HAUS8: variants seen among roughly 807,000 people sequenced by gnomAD.
HAUS8 encodes HAUS augmin like complex subunit 8, also known as HAUS augmin-like complex subunit 8.
In HAUS8, 38 loss-of-function variants were observed where a neutral mutation model predicts 42.9. The ratio of observed to expected loss-of-function variants is 0.89; its 90% CI spans 0.68 to 1.16. The LOEUF is 1.16. Ranked by LOEUF, HAUS8 falls within the 50% of genes most tolerant of loss-of-function variation. The pLI, the probability that HAUS8 is intolerant of heterozygous loss-of-function variation, is 0.00. For synonymous variants in HAUS8, 199 were observed against 205.8 expected, an observed-to-expected ratio of 0.97 and a Z score of 0.28; for missense variants, 494 against 511.6, an observed-to-expected ratio of 0.97 and a Z score of 0.33.
intron 1 of HAUS8, 53 bp downstream of exon 1, chr19:17,075,341 C>G (rs573591389): frequency 1.9e-6 from 3 of 1,600,598 alleles, no homozygotes; most frequent in Non-Finnish European, 1.7e-6. Context: ...GCTGCCCATC[C>G]TCTCCAGCCC....
At position 17,052,971 on chromosome 19, in the gene HAUS8, AG is replaced by A; in HGVS notation, c.788-6del. 1 of 1,613,972 alleles carries A rather than the reference AG, an allele frequency of 6.2e-7. No homozygotes were observed. The highest frequency in any genetic ancestry group is 1.1e-5 in the South Asian group (1 of 91,076). On this transcript the variant is annotated splice_region_variant and splice_polypyrimidine_tract_variant and intron_variant, in intron 9 of 10. Coordinates refer to ENST00000253669, the MANE Select transcript of HAUS8 (RefSeq NM_033417.2). ...CCAGTTCATGCTGCAGGGCGTCTGG[AG>A]GGGAAGAGGGATGGTGGGCGATGGA...
chr19:17,059,500 C>T, intron 6 of HAUS8, 57 bp downstream of exon 6: 1 of 1,242,720 alleles, frequency 8.0e-7, no homozygotes, highest in Admixed American at 1.8e-5. Flanking sequence ...TCAGAGTGGA[C>T]TCTAAATCAG....
rs2057275180 is a variant in HAUS8, at chr19:17,049,885, C to T, written c.1221G>A (p.Arg407=). Residue 407 remains arginine (R), a synonymous_variant, in exon 11 of 11, where the codon AGG becomes AGA. Transcript: ENST00000253669. Reference sequence around the variant, plus strand: ...ATGTAACCATGAGTCATGACAAGTCCCTCCCTGAACGAGAGAGAGAGGGCG... The same window carrying T: ...ATGTAACCATGAGTCATGACAAGTCTCTCCCTGAACGAGAGAGAGAGGGCG... The part of the protein sequence containing the change: ...EVPPSLSRSG[R]DLS 1 of 1,489,694 alleles carries T rather than the reference C, an allele frequency of 6.7e-7. No homozygotes were observed. The highest frequency in any genetic ancestry group is 8.9e-7 in the Non-Finnish European group (1 of 1,118,916). The allele number at this position is 1,489,694 out of a possible 1,614,324, so 92.3% of individuals were successfully genotyped here. A position where few individuals can be genotyped will look rare whatever the true frequency, so the allele number is the denominator to read the frequency against.
At chr19:17,060,189 C>T (rs1222954853) in intron 4 of HAUS8, 97 bp from the exon 5 acceptor site, 9 of 586,688 alleles carry the variant, frequency 1.5e-5, no homozygotes, top group Non-Finnish European at 2.6e-5. Context: ...ATACCACTTG[C>T]TTCTAAAAGC....
intron 9 of HAUS8, 158 bp from the exon 10 acceptor site, chr19:17,053,124 C>T (rs915181563): frequency 3.6e-5 from 27 of 759,426 alleles, no homozygotes; most frequent in Admixed American, 1.0e-4. Context: ...GGAAGACATT[C>T]GTCCCTTATC....
intron 9 of HAUS8, among the ~76,000 whole-genome samples, chr19:17,054,609 C>T (rs2057308558): frequency 6.6e-6 from 1 of 152,042 alleles, no homozygotes; most frequent in Admixed American, 6.5e-5. Context: ...TAAGACCAGC[C>T]TGACCAACAT....
Position 17,059,996 on chromosome 19 carries a change from C to T in HAUS8, c.325+1G>A. 1 of 1,605,016 alleles carries T rather than the reference C, an allele frequency of 6.2e-7. No homozygotes were observed. The highest frequency in any genetic ancestry group is 8.5e-7 in the Non-Finnish European group (1 of 1,171,850). On this transcript the variant is annotated splice_donor_variant, in intron 5 of 10. Transcript: ENST00000253669. LOFTEE classifies it high-confidence loss of function. Reference sequence around the variant, plus strand: ...CAGAAGGGGTGAAACAAATGATTTACCATTAATAGCAGAGAGATCCAGGTC... The same window carrying T: ...CAGAAGGGGTGAAACAAATGATTTATCATTAATAGCAGAGAGATCCAGGTC...
intron 9 of HAUS8, among the ~76,000 whole-genome samples, chr19:17,054,253 A>C (rs893156523): frequency 2.6e-5 from 4 of 152,180 alleles, no homozygotes; most frequent in African/African-American, 9.7e-5. Context: ...GCAGCCCCGG[A>C]AAACTCAACA....
At chr19:17,071,923 C>T (rs2057427163) in intron 2 of HAUS8, among the ~76,000 whole-genome samples, 2 of 151,936 alleles carry the variant, frequency 1.3e-5, no homozygotes, top group African/African-American at 4.8e-5. Context: ...GAGGCGGGAG[C>T]TACAGTGAGC....
In HAUS8 at chr19:17,059,989, T is replaced by C. The variant is rs1278382249; in HGVS notation, c.325+8A>G. 1 of 1,601,044 alleles carries C rather than the reference T, an allele frequency of 6.2e-7. No homozygotes were observed. The highest frequency in any genetic ancestry group is 8.6e-7 in the Non-Finnish European group (1 of 1,168,554). The stretch of plus-strand genomic sequence containing the variant: ...TGAGTGACAGAAGGGGTGAAACAAA[T>C]GATTTACCATTAATAGCAGAGAGAT... On this transcript the variant is annotated splice_region_variant and intron_variant, in intron 5 of 10. Transcript: ENST00000253669.
rs761083377 is a variant in HAUS8 at position 17,075,405 on chromosome 19, C to G, written c.18G>C (p.Gly6=). The change falls in exon 1 of 11, where the codon GGG becomes GGC. Residue 6 remains glycine (G), a synonymous_variant. Coordinates refer to ENST00000253669, the MANE Select transcript of HAUS8 (RefSeq NM_033417.2). MADSS[G]RGAGKPATGP... ...AAGCCCCAACTCACCCAGCGCCTCGCCCCGAGGAATCCGCCATTTTCCCGC... is the reference window on the plus strand; with the variant it reads ...AAGCCCCAACTCACCCAGCGCCTCGGCCCGAGGAATCCGCCATTTTCCCGC... The G allele has an allele frequency of 1.2e-6, 2 of 1,613,952 alleles. No individual in the cohort carries two copies. Among genetic ancestry groups the G allele is most frequent in the Non-Finnish European group, 1.7e-6 (2 of 1,179,934 alleles).
At chr19:17,052,773 A>T in intron 10 of HAUS8, 52 bp downstream of exon 10, 2 of 1,605,566 alleles carry the variant, frequency 1.2e-6, no homozygotes, top group Non-Finnish European at 1.7e-6. Context: ...AGCCACCAAC[A>T]GCCCTGAGCA....
chr19:17,050,621 C>T (rs949918430), intron 10 of HAUS8, among the ~76,000 whole-genome samples: 3 of 152,048 alleles, frequency 2.0e-5, no homozygotes, highest in South Asian at 2.1e-4. Context: ...AAATACTGGG[C>T]GCTGTGGCTC....
chr19:17,050,230 T>C (rs998755508), intron 10 of HAUS8, 54 bp from the exon 11 acceptor site: 6 of 1,377,310 alleles, frequency 4.4e-6, no homozygotes, highest in East Asian at 2.7e-5. Flanking sequence ...GTGAAGCGCA[T>C]GTGTGTGGTG....
rs1130222 is a variant in HAUS8 at position 17,060,075 on chromosome 19, C to A, written c.247G>T (p.Gly83Ter). Residue 83 changes from glycine (G) to a stop codon, truncating the protein, a stop_gained, in exon 5 of 11, where the codon GGA (glycine) becomes TGA (stop). Coordinates refer to ENST00000253669, the MANE Select transcript of HAUS8 (RefSeq NM_033417.2). LOFTEE classifies it high-confidence loss of function. Reference protein sequence around the residue: ...QKSKADSSGVGKGDLQSTLLE... With the variant: ...QKSKADSSGV ...AACGTGGACTGCAGGTCACCCTTTCCGACCCCACTGCTATCTGCTGTTAAG... is the reference window on the plus strand; with the variant it reads ...AACGTGGACTGCAGGTCACCCTTTCAGACCCCACTGCTATCTGCTGTTAAG... The A allele has an allele frequency of 3.1e-6, 5 of 1,611,262 alleles. No homozygotes were observed. Among genetic ancestry groups the A allele is most frequent in the Non-Finnish European group, 4.2e-6 (5 of 1,177,902 alleles).
chr19:17,065,844 A>C (rs2057384254), intron 3 of HAUS8, among the ~76,000 whole-genome samples: 1 of 150,708 alleles, frequency 6.6e-6, no homozygotes, highest in Non-Finnish European at 1.5e-5. Flanking sequence ...AAAAAAGCAC[A>C]GAGCTTGGAG....
chr19:17,053,039 C>T (rs1568633837), intron 9 of HAUS8, 73 bp from the exon 10 acceptor site: 9 of 1,565,702 alleles, frequency 5.7e-6, no homozygotes, highest in East Asian at 4.5e-5. Flanking sequence ...GTGGAGCGGC[C>T]GACAGACTTC....
chr19:17,053,934 A>G (rs951199619), intron 9 of HAUS8, among the ~76,000 whole-genome samples: 12 of 152,156 alleles, frequency 7.9e-5, no homozygotes, highest in African/African-American at 2.9e-4. Context: ...AAGTGCTGGC[A>G]TAACAAACAT....
intron 4 of HAUS8, among the ~76,000 whole-genome samples, chr19:17,060,738 T>C (rs1568637773): frequency 6.6e-6 from 1 of 152,188 alleles, no homozygotes; most frequent in Non-Finnish European, 1.5e-5. Flanking sequence ...TTCTGCAGCT[T>C]CTGGACTGTT....
Sources: allele counts gnomAD v4.1 joint callset (sites outside exome capture counted in the v4.1 genomes callset), GRCh38; gene constraint gnomAD v4.1.1; transcripts MANE v1.5; gene names NCBI Gene and HGNC (gene_info 2026-07-23, HGNC 2026-07-21).